The following PDE4D variants were observed in gnomAD, a reference collection of about 807,000 sequenced individuals.
PDE4D encodes the protein phosphodiesterase 4D.
A neutral mutation model predicts 87.4 loss-of-function variants in PDE4D; 24 were observed. The observed-to-expected ratio is 0.27, with a 90% confidence interval of 0.20 to 0.39. The LOEUF is 0.39. PDE4D is among the 10% of genes least tolerant of loss of function. The pLI, the probability that PDE4D is intolerant of heterozygous loss-of-function variation, is 1.00. For missense variants in PDE4D, 714 were observed against 1,041.0 expected, an observed-to-expected ratio of 0.69 and a Z score of 4.32; for synonymous variants, 384 against 383.2, an observed-to-expected ratio of 1.00 and a Z score of -0.02.
At chr5:59,213,637 C>G (rs1750575107) in intron 2 of PDE4D, among the ~76,000 whole-genome samples, 1 of 152,096 alleles carries the variant, frequency 6.6e-6, no homozygotes, top group Non-Finnish European at 1.5e-5. Flanking sequence ...CACCCATCAG[C>G]CTTTTAAAGA....
At chr5:59,962,752 T>C (rs1370272735) in intron 3 of PDE4D, among the ~76,000 whole-genome samples, 1 of 152,194 alleles carries the variant, frequency 6.6e-6, no homozygotes, top group African/African-American at 2.4e-5. Context: ...AAAATTGGGT[T>C]GGGCAGTTAA....
intron 1 of PDE4D, among the ~76,000 whole-genome samples, chr5:60,447,857 C>T (rs1312002846): frequency 1.3e-5 from 2 of 152,104 alleles, no homozygotes; most frequent in South Asian, 2.1e-4. Context: ...GCAGAATTAC[C>T]GTTACTATAC....
At chr5:59,583,848 C>T (rs1213740826) in intron 1 of PDE4D, among the ~76,000 whole-genome samples, 1 of 152,176 alleles carries the variant, frequency 6.6e-6, no homozygotes, top group African/African-American at 2.4e-5. Flanking sequence ...TCTTGCTTCT[C>T]AAAAAGCAGG....
intron 2 of PDE4D, among the ~76,000 whole-genome samples, chr5:60,145,745 A>G (rs1286948795): frequency 6.6e-6 from 1 of 152,212 alleles, no homozygotes; most frequent in Non-Finnish European, 1.5e-5. Flanking sequence ...GAAGTAATTG[A>G]GATCTGAATT....
intron 1 of PDE4D, among the ~76,000 whole-genome samples, chr5:59,256,611 T>A (rs1411147292): frequency 6.6e-6 from 1 of 152,024 alleles, no homozygotes; most frequent in Non-Finnish European, 1.5e-5. Context: ...TTGCATCACG[T>A]TTTGATGATG....
chr5:60,480,748 C>T (rs1160680176), intron 1 of PDE4D, among the ~76,000 whole-genome samples: 1 of 152,120 alleles, frequency 6.6e-6, no homozygotes, highest in Non-Finnish European at 1.5e-5. Flanking sequence ...AATACATATA[C>T]TTAAAATATC....
At chr5:59,575,548 A>G (rs1823005419) in intron 1 of PDE4D, among the ~76,000 whole-genome samples, 1 of 152,196 alleles carries the variant, frequency 6.6e-6, no homozygotes, top group Non-Finnish European at 1.5e-5. Context: ...CTACAAATCC[A>G]GTTAAACTCT....
At chr5:60,356,509 T>C (rs1234855777) in intron 1 of PDE4D, among the ~76,000 whole-genome samples, 1 of 152,316 alleles carries the variant, frequency 6.6e-6, no homozygotes, top group East Asian at 1.9e-4. Flanking sequence ...ATAATTTTTA[T>C]GAATACTGTG....
chr5:60,392,891 C>A (rs539309374), intron 1 of PDE4D, among the ~76,000 whole-genome samples: 1 of 152,318 alleles, frequency 6.6e-6, no homozygotes, highest in East Asian at 1.9e-4. Flanking sequence ...AAGAAGGATA[C>A]CACAGGGAAG....
At chr5:59,117,754 G>A (rs1378508024) in intron 5 of PDE4D, among the ~76,000 whole-genome samples, 1 of 151,988 alleles carries the variant, frequency 6.6e-6, no homozygotes, top group Non-Finnish European at 1.5e-5. Context: ...ACCAGCCATG[G>A]GAGGAGTATT....
intron 5 of PDE4D, among the ~76,000 whole-genome samples, chr5:59,152,399 T>A (rs181585062): frequency 6.6e-6 from 1 of 152,310 alleles, no homozygotes; most frequent in Non-Finnish European, 1.5e-5. Flanking sequence ...TAATCAAGAT[T>A]TCTATGCCTA....
At chr5:60,011,572 C>T (rs77563391) in intron 2 of PDE4D, among the ~76,000 whole-genome samples, 4,499 of 152,154 alleles carry the variant, frequency 0.03, 217 homozygotes, top group African/African-American at 0.1. Context: ...TTTTATTAAG[C>T]CCTGTCTTTT....
At position 58,972,044 on chromosome 5, in the gene PDE4D, T is replaced by A. The variant is rs1742694488; in HGVS notation, c.*2620A>T. The stretch of plus-strand genomic sequence containing the variant: ...AAGAGCCTCTCTTTATTAGTGCAGT[T>A]ATAAACCCTTTACCCTTTCAGGTCT... On this transcript the variant is annotated 3_prime_UTR_variant, in exon 15 of 15. Coordinates refer to ENST00000340635, the MANE Select transcript of PDE4D (RefSeq NM_001104631.2). 1 of 152,580 alleles carries A rather than the reference T, an allele frequency of 6.6e-6. No homozygotes were observed. The allele number at this position is 152,580 out of a possible 1,614,324, so 9.5% of individuals were successfully genotyped here. A position where few individuals can be genotyped will look rare whatever the true frequency, so the allele number is the denominator to read the frequency against.
intron 5 of PDE4D, among the ~76,000 whole-genome samples, chr5:59,050,408 A>G (rs1761362182): frequency 1.3e-5 from 2 of 152,356 alleles, no homozygotes; most frequent in African/African-American, 2.4e-5. Context: ...ATTACAAGCA[A>G]CACATATGAG....
chr5:60,349,218 C>T (rs1758984305), intron 1 of PDE4D, among the ~76,000 whole-genome samples: 1 of 151,996 alleles, frequency 6.6e-6, no homozygotes. Context: ...CTGACTTAAG[C>T]TGAAGGAACT....
chr5:59,621,773 A>T (rs1184852247), intron 1 of PDE4D, among the ~76,000 whole-genome samples: 1 of 152,122 alleles, frequency 6.6e-6, no homozygotes, highest in Non-Finnish European at 1.5e-5. Flanking sequence ...ATTTTACTTG[A>T]CTTTTTCCTT....
intron 1 of PDE4D, among the ~76,000 whole-genome samples, chr5:59,883,752 T>C (rs1022520646): frequency 2.6e-5 from 4 of 152,182 alleles, no homozygotes; most frequent in Admixed American, 2.6e-4. Context: ...TTCCTTGGAT[T>C]AGTTGATAGG....
At chr5:59,055,283 C>CA (rs1349228781) in intron 5 of PDE4D, among the ~76,000 whole-genome samples, 2 of 152,168 alleles carry the variant, frequency 1.3e-5, no homozygotes, top group East Asian at 3.8e-4. Flanking sequence ...ATCCCTCCTA[C>CA]ATAGCCTATG....
At chr5:59,693,767 T>A (rs1292173472) in intron 1 of PDE4D, among the ~76,000 whole-genome samples, 2 of 152,200 alleles carry the variant, frequency 1.3e-5, no homozygotes, top group Admixed American at 6.5e-5. Context: ...TTCCTTGTGA[T>A]GATAATAAGG....
Sources: allele counts gnomAD v4.1 joint callset (sites outside exome capture counted in the v4.1 genomes callset), GRCh38; gene constraint gnomAD v4.1.1; transcripts MANE v1.5; gene names NCBI Gene and HGNC (gene_info 2026-07-23, HGNC 2026-07-21).